SORCS2: variants seen among roughly 807,000 people sequenced by gnomAD.
SORCS2 encodes the protein sortilin related VPS10 domain containing receptor 2.
A neutral mutation model predicts 141.6 loss-of-function variants in SORCS2; 100 were observed. The observed-to-expected ratio is 0.71, with a 90% CI of 0.60 to 0.83. The LOEUF (loss-of-function observed/expected upper bound fraction) is 0.83, where lower values mean the gene tolerates loss of function less well. SORCS2 is among the 40% of genes least tolerant of loss of function. The pLI is 0.00. For missense variants in SORCS2, 1,646 were observed against 1,560.2 expected, an observed-to-expected ratio of 1.05 and a Z score of -0.93; for synonymous variants, 789 against 676.9, an observed-to-expected ratio of 1.17 and a Z score of -2.57.
intron 1 of SORCS2, among the ~76,000 whole-genome samples, chr4:7,318,768 T>C (rs1718716816): frequency 6.6e-6 from 1 of 152,092 alleles, no homozygotes; most frequent in Non-Finnish European, 1.5e-5. Flanking sequence ...AAATGTGCCG[T>C]TTTAGGTGTA....
In SORCS2 at chr4:7,704,305, G is replaced by T. The variant is rs1311509964; in HGVS notation, c.1868+21G>T. The T allele has an allele frequency of 3.2e-6, 5 of 1,583,040 alleles. No individual in the cohort carries two copies. In the East Asian group the frequency reaches 1.1e-4, roughly 36 times the overall value. The stretch of plus-strand genomic sequence containing the variant: ...ATGACGTGAGTGCGGGGACCGGGGA[G>T]TGGGCACTGGTGGCAGGGCAGAGCC... On this transcript the variant is annotated intron_variant, in intron 14 of 26. Transcript: ENST00000507866.
At chr4:7,596,764 C>T (rs1717302421) in intron 3 of SORCS2, among the ~76,000 whole-genome samples, 1 of 152,066 alleles carries the variant, frequency 6.6e-6, no homozygotes, top group South Asian at 2.1e-4. Flanking sequence ...CACCAGGTAC[C>T]CTTGAGGTGC....
chr4:7,521,806 G>C lies in SORCS2; in HGVS notation c.549-9724G>C, dbSNP rs145604047. Among the ~76,000 whole-genome samples the C allele has an allele frequency of 2.7e-3, 414 of 152,330 alleles. 2 individuals carry two copies. The highest frequency in any genetic ancestry group is 9.2e-3 in the African/African-American group (381 of 41,574). On this transcript the variant is annotated intron_variant, in intron 2 of 26. Coordinates refer to ENST00000507866, the MANE Select transcript of SORCS2 (RefSeq NM_020777.3). ...GTGTGAATACATGTACCCTCAAGAG[G>C]GGTTCTGGGGTCCACTCAAGGGGCC...
chr4:7,707,882 A>T (rs1231954913), intron 14 of SORCS2, among the ~76,000 whole-genome samples: 2 of 151,602 alleles, frequency 1.3e-5, no homozygotes, highest in Non-Finnish European at 2.9e-5. Flanking sequence ...TGGGCCCATC[A>T]CCCCCAGGAC....
intron 8 of SORCS2, among the ~76,000 whole-genome samples, chr4:7,674,762 G>T (rs1723006443): frequency 6.7e-6 from 1 of 149,788 alleles, no homozygotes; most frequent in Non-Finnish European, 1.5e-5. Flanking sequence ...ACTGAAAACT[G>T]AGCTCCACTG....
chr4:7,316,558 G>C (rs1718574229), intron 1 of SORCS2, among the ~76,000 whole-genome samples: 1 of 152,122 alleles, frequency 6.6e-6, no homozygotes, highest in Non-Finnish European at 1.5e-5. Flanking sequence ...TCACGACCCT[G>C]GACAAGTTAT....
chr4:7,316,552 G>A (rs971466099), intron 1 of SORCS2, among the ~76,000 whole-genome samples: 6 of 152,166 alleles, frequency 3.9e-5, no homozygotes, highest in Admixed American at 6.5e-5. Flanking sequence ...CTGGCATCAC[G>A]ACCCTGGACA....
intron 2 of SORCS2, among the ~76,000 whole-genome samples, chr4:7,406,724 C>A (rs1724992549): frequency 6.6e-6 from 1 of 151,794 alleles, no homozygotes. Context: ...GTCTCAATTT[C>A]ATTTATTTCT....
At chr4:7,350,924 C>T (rs1300573061) in intron 1 of SORCS2, among the ~76,000 whole-genome samples, 3 of 152,178 alleles carry the variant, frequency 2.0e-5, no homozygotes, top group African/African-American at 7.2e-5. Context: ...TCTTCTCTTC[C>T]CTGTGCTACT....
intron 22 of SORCS2, 54 bp downstream of exon 22, chr4:7,728,516 G>C: frequency 1.4e-6 from 2 of 1,395,530 alleles, no homozygotes; most frequent in Admixed American, 2.1e-5. Flanking sequence ...CCGGCATCCA[G>C]AGAAGCCCAA....
intron 3 of SORCS2, among the ~76,000 whole-genome samples, chr4:7,554,301 G>A (rs749702142): frequency 1.1e-4 from 16 of 151,896 alleles, no homozygotes; most frequent in Non-Finnish European, 2.1e-4. Context: ...AGTGCTTTGC[G>A]AGCTGTAACA....
At chr4:7,676,919 TCTCCCTCTCTCC>T (rs1183701647) in intron 9 of SORCS2, among the ~76,000 whole-genome samples, 584 of 43,416 alleles carry the variant, frequency 0.013, 120 homozygotes, top group African/African-American at 0.044. Context: ...TCTCTCCCTC[TCTCCCTCTCTCC>T]CTCTCTCCCT....
At chr4:7,681,674 T>G (rs1723533876) in intron 9 of SORCS2, among the ~76,000 whole-genome samples, 2 of 152,232 alleles carry the variant, frequency 1.3e-5, no homozygotes, top group South Asian at 4.2e-4. Flanking sequence ...CCCAGTCTGC[T>G]GGTTTCATCA....
intron 6 of SORCS2, among the ~76,000 whole-genome samples, chr4:7,661,822 C>T (rs575449300): frequency 6.6e-6 from 1 of 152,332 alleles, no homozygotes; most frequent in Non-Finnish European, 1.5e-5. Flanking sequence ...GTGTTTCCCA[C>T]TCACTCAGCC....
chr4:7,248,114 C>T (rs573006232), intron 1 of SORCS2, among the ~76,000 whole-genome samples: 39 of 152,278 alleles, frequency 2.6e-4, no homozygotes, highest in African/African-American at 8.2e-4. Flanking sequence ...GGCCTGAGCC[C>T]GGATCCCAGC....
intron 2 of SORCS2, among the ~76,000 whole-genome samples, chr4:7,397,020 T>G (rs891571399): frequency 2.0e-5 from 3 of 152,236 alleles, no homozygotes; most frequent in East Asian, 3.8e-4. Context: ...GCTTTTCTCC[T>G]GCAAAAGATT....
At chr4:7,502,725 A>G (rs1408376237) in intron 2 of SORCS2, among the ~76,000 whole-genome samples, 1 of 152,130 alleles carries the variant, frequency 6.6e-6, no homozygotes, top group African/African-American at 2.4e-5. Context: ...ATCTAAAGCC[A>G]GGTCTCACGA....
intron 20 of SORCS2, among the ~76,000 whole-genome samples, 191 bp downstream of exon 20, chr4:7,725,478 T>C (rs1727155674): frequency 6.6e-6 from 1 of 152,122 alleles, no homozygotes; most frequent in Non-Finnish European, 1.5e-5. Context: ...GCCCATCTGC[T>C]CAATGGTGCC....
chr4:7,300,890 T>G (rs1019351797), intron 1 of SORCS2, among the ~76,000 whole-genome samples: 5 of 152,326 alleles, frequency 3.3e-5, no homozygotes, highest in Non-Finnish European at 7.3e-5. Context: ...ACTCGGCCTC[T>G]CAGGGTCCTG....
Sources: allele counts gnomAD v4.1 joint callset (sites outside exome capture counted in the v4.1 genomes callset), GRCh38; gene constraint gnomAD v4.1.1; transcripts MANE v1.5; gene names NCBI Gene and HGNC (gene_info 2026-07-23, HGNC 2026-07-21).